Variants in RTN1 observed in about 807,000 individuals in gnomAD.
RTN1 encodes reticulon-1.
In RTN1, 25 loss-of-function variants were observed where a neutral mutation model predicts 65.5. The observed-to-expected ratio is 0.38, with a 90% CI of 0.28 to 0.53. RTN1 has a LOEUF of 0.53. RTN1 is among the 20% of genes least tolerant of loss of function. The pLI is 0.79. For missense variants in RTN1, 983 were observed against 1,025.4 expected, an observed-to-expected ratio of 0.96 and a Z score of 0.57; for synonymous variants, 471 against 447.6, an observed-to-expected ratio of 1.05 and a Z score of -0.66.
intron 1 of RTN1, among the ~76,000 whole-genome samples, chr14:59,860,697 C>T (rs961178210): frequency 6.6e-6 from 1 of 152,150 alleles, no homozygotes; most frequent in Non-Finnish European, 1.5e-5. Context: ...GGCAGAGCTT[C>T]CCAAGACCAT....
At chr14:59,858,360 T>A (rs1172606938) in intron 1 of RTN1, among the ~76,000 whole-genome samples, 1 of 152,112 alleles carries the variant, frequency 6.6e-6, no homozygotes, top group Non-Finnish European at 1.5e-5. Flanking sequence ...TTTTTCAGAG[T>A]GAGCTGAAAA....
intron 1 of RTN1, among the ~76,000 whole-genome samples, chr14:59,761,951 T>A (rs548515252): frequency 2.0e-5 from 3 of 152,224 alleles, no homozygotes; most frequent in Admixed American, 2.0e-4. Context: ...CAAATGAGGA[T>A]GACAACTAAG....
At chr14:59,665,013 T>C (rs1026279661) in intron 3 of RTN1, among the ~76,000 whole-genome samples, 1 of 152,180 alleles carries the variant, frequency 6.6e-6, no homozygotes, top group African/African-American at 2.4e-5. Flanking sequence ...TTGCCACTGC[T>C]TATGACTTTA....
intron 3 of RTN1, among the ~76,000 whole-genome samples, chr14:59,640,670 A>G (rs1165280767): frequency 6.6e-6 from 1 of 152,162 alleles, no homozygotes; most frequent in Non-Finnish European, 1.5e-5. Flanking sequence ...TTTTTATAAC[A>G]TCATCTTATG....
chr14:59,863,957 C>G (rs1887754551), intron 1 of RTN1, among the ~76,000 whole-genome samples: 1 of 147,914 alleles, frequency 6.8e-6, no homozygotes. Context: ...CTGGTGCAAG[C>G]CACCATGATT....
At chr14:59,791,857 T>C (rs1016453699) in intron 1 of RTN1, among the ~76,000 whole-genome samples, 6 of 152,170 alleles carry the variant, frequency 3.9e-5, no homozygotes, top group Non-Finnish European at 8.8e-5. Context: ...CCTGGATTTT[T>C]TTTTGGTCCT....
intron 3 of RTN1, among the ~76,000 whole-genome samples, chr14:59,684,316 G>A (rs948602516): frequency 1.3e-5 from 2 of 151,852 alleles, no homozygotes; most frequent in African/African-American, 2.4e-5. Flanking sequence ...TCCAGTTACT[G>A]ATTTTTCACA....
At chr14:59,861,887 G>A (rs191254738) in intron 1 of RTN1, among the ~76,000 whole-genome samples, 295 of 152,074 alleles carry the variant, frequency 1.9e-3, no homozygotes, top group African/African-American at 6.7e-3. Context: ...TGCTCTCACC[G>A]TATTATAGCT....
At chr14:59,828,234 G>A (rs1887067253) in intron 1 of RTN1, among the ~76,000 whole-genome samples, 1 of 152,170 alleles carries the variant, frequency 6.6e-6, no homozygotes, top group Admixed American at 6.5e-5. Flanking sequence ...GAAAGCTAAA[G>A]AATTAAAATA....
Position 59,603,045 on chromosome 14 carries a change from C to T in RTN1, c.2288+20G>A, listed in dbSNP as rs768066050. 25 of 1,605,222 alleles carry T rather than the reference C, an allele frequency of 1.6e-5. No individual in the cohort carries two copies. The East Asian group carries it at 5.4e-4, about 34-fold the overall frequency. On this transcript the variant is annotated intron_variant, in intron 8 of 8. Transcript: ENST00000267484. ...ATGTAAGAGAGTCTCTCCTTTTATG[C>T]ATTGCACTATGTGACTTACTTTGCC...
chr14:59,732,204 A>ACT (rs1884912712), intron 2 of RTN1, among the ~76,000 whole-genome samples: 2 of 152,222 alleles, frequency 1.3e-5, no homozygotes, highest in African/African-American at 4.8e-5. Flanking sequence ...CTGGAGTATT[A>ACT]TTGGGAATGA....
At chr14:59,769,611 C>A (rs1885915776) in intron 1 of RTN1, among the ~76,000 whole-genome samples, 1 of 152,180 alleles carries the variant, frequency 6.6e-6, no homozygotes, top group Admixed American at 6.5e-5. Flanking sequence ...ACCTGCCATG[C>A]AGATTTTGTT....
chr14:59,840,649 A>G (rs1385597792), intron 1 of RTN1, among the ~76,000 whole-genome samples: 3 of 152,172 alleles, frequency 2.0e-5, no homozygotes, highest in Non-Finnish European at 4.4e-5. Context: ...CAAAACTAAA[A>G]TATTCTCCCA....
intron 3 of RTN1, chr14:59,610,302 T>G (rs1289631959): frequency 3.4e-6 from 2 of 585,498 alleles, no homozygotes; most frequent in Non-Finnish European, 6.1e-6. Flanking sequence ...GATCTTTCAA[T>G]TACTTGCTAA....
intron 1 of RTN1, among the ~76,000 whole-genome samples, chr14:59,749,292 ATATATC>A (rs1885327598): frequency 4.4e-5 from 3 of 68,360 alleles, no homozygotes; most frequent in South Asian, 5.1e-4. Context: ...ATATATCTAT[ATATATC>A]TATATATATC....
At chr14:59,821,229 C>T (rs1205029681) in intron 1 of RTN1, among the ~76,000 whole-genome samples, 1 of 152,170 alleles carries the variant, frequency 6.6e-6, no homozygotes, top group Non-Finnish European at 1.5e-5. Flanking sequence ...TCTTTTACCT[C>T]CCTGGTTAGC....
chr14:59,869,878 A>C (rs560445603), intron 1 of RTN1, among the ~76,000 whole-genome samples: 1 of 152,156 alleles, frequency 6.6e-6, no homozygotes, highest in South Asian at 2.1e-4. Context: ...CGATTCGTGG[A>C]GGGCAAGGGT....
At chr14:59,603,295 G>A (rs769425053) in intron 6 of RTN1, 37 bp from the exon 7 acceptor site, 60 of 1,544,606 alleles carry the variant, frequency 3.9e-5, no homozygotes, top group Non-Finnish European at 3.8e-5. Context: ...AAAATTCTGA[G>A]TTATCAATAA....
rs574737407 is a variant in RTN1, at chr14:59,775,783, A to G, written c.242-29302T>C. Among the ~76,000 whole-genome samples the G allele has an allele frequency of 1.6e-4, 24 of 152,296 alleles. No homozygotes were observed. In the South Asian group the frequency reaches 5.0e-3, roughly 32 times the overall value. ...TTTTAATACATTCTGCAGATAAGCAATAACAATTGTGGACTGGTCATCTGA... is the reference window on the plus strand; with the variant it reads ...TTTTAATACATTCTGCAGATAAGCAGTAACAATTGTGGACTGGTCATCTGA... On this transcript the variant is annotated intron_variant, in intron 1 of 8. Coordinates refer to ENST00000267484, the MANE Select transcript of RTN1 (RefSeq NM_021136.3).
Sources: gnomAD v4.1 joint callset for allele counts (sites outside exome capture counted in the v4.1 genomes callset) on GRCh38, gnomAD v4.1.1 for gene constraint, MANE v1.5 for transcripts, NCBI Gene and HGNC (gene_info 2026-07-23, HGNC 2026-07-21) for gene names.